Variants in TMEM39B observed in about 807,000 individuals in gnomAD.
TMEM39B encodes transmembrane protein 39B.
TMEM39B carries 23 observed loss-of-function variants against 52.2 expected under a neutral mutation model. The ratio of observed to expected loss-of-function variants is 0.44; its 90% CI spans 0.32 to 0.62. The LOEUF (loss-of-function observed/expected upper bound fraction) is 0.62, where lower values mean the gene tolerates loss of function less well. Among genes scored for constraint, TMEM39B ranks in the 20% least tolerant of loss-of-function variants. TMEM39B has a pLI of 0.06. For missense variants in TMEM39B, 547 were observed against 642.0 expected (o/e 0.85, Z 1.60); for synonymous variants, 285 against 264.0 (o/e 1.08, Z -0.77).
chr1:32,082,934 C>T (rs1640169465), intron 5 of TMEM39B, among the ~76,000 whole-genome samples: 1 of 151,856 alleles, frequency 6.6e-6, no homozygotes, highest in Admixed American at 6.6e-5. Context: ...GCCACCACGC[C>T]TGGCTAGTTT....
rs1301490581 is a variant in TMEM39B, at chr1:32,076,756, C to T, written c.352-7C>T. On this transcript the variant is annotated splice_polypyrimidine_tract_variant and splice_region_variant and intron_variant, in intron 3 of 8. Coordinates refer to ENST00000336294, the MANE Select transcript of TMEM39B (RefSeq NM_018056.4). Reference sequence around the variant, plus strand: ...CACATGACCCCCAGGCCTCTGCCCCCTGACAGAACTTCCATCTGATCGACT... The same window carrying T: ...CACATGACCCCCAGGCCTCTGCCCCTTGACAGAACTTCCATCTGATCGACT... 6.8e-6 allele frequency: 11 copies of T among 1,613,978 alleles called. No homozygotes were observed. In the East Asian group the frequency reaches 2.0e-4, roughly 29 times the overall value.
chr1:32,084,388 G>A (rs1227344231), intron 5 of TMEM39B, among the ~76,000 whole-genome samples: 1 of 152,020 alleles, frequency 6.6e-6, no homozygotes, highest in African/African-American at 2.4e-5. Flanking sequence ...TCCTGGGTTG[G>A]ACCCCCTGCT....
intron 5 of TMEM39B, among the ~76,000 whole-genome samples, chr1:32,082,950 A>G (rs1193269237): frequency 4.9e-5 from 7 of 142,994 alleles, no homozygotes; most frequent in Non-Finnish European, 7.5e-5. Flanking sequence ...AGTTTTTTGT[A>G]TGTTTAGTAG....
At chr1:32,078,162 C>T (rs1012438607) in intron 5 of TMEM39B, among the ~76,000 whole-genome samples, 1 of 152,130 alleles carries the variant, frequency 6.6e-6, no homozygotes, top group African/African-American at 2.4e-5. Context: ...TGTCACACTT[C>T]CTTCAGTTAT....
chr1:32,086,541 C>T (rs1408313550), intron 5 of TMEM39B, among the ~76,000 whole-genome samples: 1 of 151,904 alleles, frequency 6.6e-6, no homozygotes, highest in African/African-American at 2.4e-5. Flanking sequence ...CTGAGGCAGG[C>T]GGATGGCTTG....
At chr1:32,073,189 GC>G (rs1304680434) in intron 1 of TMEM39B, 138 bp downstream of exon 1, 6 of 1,144,038 alleles carry the variant, frequency 5.2e-6, no homozygotes, top group Non-Finnish European at 7.0e-6. Context: ...ACGGGATCCC[GC>G]CCCCTCCTGT....
At chr1:32,083,335 A>G (rs1640193775) in intron 5 of TMEM39B, among the ~76,000 whole-genome samples, 1 of 148,718 alleles carries the variant, frequency 6.7e-6, no homozygotes, top group African/African-American at 2.5e-5. Flanking sequence ...CACCCACCTC[A>G]GCTTCCCAAA....
At chr1:32,082,948 G>T (rs1044712943) in intron 5 of TMEM39B, among the ~76,000 whole-genome samples, 3 of 149,980 alleles carry the variant, frequency 2.0e-5, no homozygotes, top group African/African-American at 7.4e-5. Context: ...CTAGTTTTTT[G>T]TATGTTTAGT....
chr1:32,100,609 G>A, intron 8 of TMEM39B, 47 bp downstream of exon 8: 4 of 1,613,358 alleles, frequency 2.5e-6, no homozygotes, highest in Non-Finnish European at 3.4e-6. Flanking sequence ...GAGAGGGTGG[G>A]AGGATCTGCA....
intron 3 of TMEM39B, chr1:32,076,075 G>GCT (rs1639845552): frequency 3.3e-6 from 1 of 305,400 alleles, no homozygotes; most frequent in Non-Finnish European, 6.0e-6. Flanking sequence ...GCCTAAAGGA[G>GCT]CTCAGAGTCC....
At chr1:32,097,318 C>T (rs989023832) in intron 7 of TMEM39B, among the ~76,000 whole-genome samples, 17 of 151,142 alleles carry the variant, frequency 1.1e-4, no homozygotes, top group Middle Eastern at 3.4e-3. Context: ...TAAATGAAAT[C>T]GTGTCCAACT....
chr1:32,072,927 G>A, upstream of TMEM39B: 9 of 1,329,448 alleles, frequency 6.8e-6, no homozygotes, highest in Non-Finnish European at 8.1e-6. Context: ...GGCGCGGCGG[G>A]AGCGCGCGGC....
At chr1:32,096,911 C>G (rs572450119) in intron 7 of TMEM39B, among the ~76,000 whole-genome samples, 72 of 151,534 alleles carry the variant, frequency 4.8e-4, no homozygotes, top group Non-Finnish European at 8.2e-4. Context: ...CTCAGGTGAT[C>G]CTCCCACCTC....
Position 32,075,020 on chromosome 1 carries a change from G to A in TMEM39B, c.74G>A (p.Gly25Asp). The stretch of plus-strand genomic sequence containing the variant: ...CTCTGTGAGCCGGGATCCTCGGGGG[G>A]CTCTAGTGGAAGCCACACTTCCAGT... Reference protein sequence around the residue: ...NPLCEPGSSGGSSGSHTSSAS... With the variant: ...NPLCEPGSSGDSSGSHTSSAS... The change falls in exon 2 of 9, where the codon GGC becomes GAC. Residue 25 changes from glycine to aspartate, a missense_variant. Coordinates refer to ENST00000336294, the MANE Select transcript of TMEM39B (RefSeq NM_018056.4). 1.9e-6 allele frequency: 3 copies of A among 1,551,578 alleles called. No homozygotes were observed. Among genetic ancestry groups the A allele is most frequent in the South Asian group, 1.2e-5 (1 of 84,032 alleles).
intron 5 of TMEM39B, among the ~76,000 whole-genome samples, chr1:32,082,497 C>G (rs1283567576): frequency 6.6e-6 from 1 of 151,984 alleles, no homozygotes; most frequent in Non-Finnish European, 1.5e-5. Context: ...CTCTGTCACC[C>G]AGGCTGGAGT....
At chr1:32,087,642 T>A (rs1335030345) in intron 5 of TMEM39B, 1 of 149,000 alleles carries the variant, frequency 6.7e-6, no homozygotes, top group Non-Finnish European at 1.5e-5. Context: ...TAATAATAAT[T>A]TCATCTCTCT....
intron 6 of TMEM39B, among the ~76,000 whole-genome samples, chr1:32,094,353 C>T (rs1273212288): frequency 6.6e-6 from 1 of 151,762 alleles, no homozygotes; most frequent in Non-Finnish European, 1.5e-5. Context: ...TCTCAAACTC[C>T]TGATCTCGTG....
intron 5 of TMEM39B, among the ~76,000 whole-genome samples, chr1:32,080,833 T>C (rs970877531): frequency 2.0e-5 from 3 of 152,024 alleles, no homozygotes; most frequent in African/African-American, 7.2e-5. Flanking sequence ...TATAAACATA[T>C]TGTAAAAAAT....
chr1:32,095,001 C>G, intron 7 of TMEM39B, 30 bp downstream of exon 7: 1 of 1,605,932 alleles, frequency 6.2e-7, no homozygotes, highest in Non-Finnish European at 8.5e-7. Context: ...TCAACCCAAT[C>G]CCAGCCCTTC....
Sources: gnomAD v4.1 joint callset for allele counts (sites outside exome capture counted in the v4.1 genomes callset) on GRCh38, gnomAD v4.1.1 for gene constraint, MANE v1.5 for transcripts, NCBI Gene and HGNC (gene_info 2026-07-23, HGNC 2026-07-21) for gene names.